The following AS3MT variants were observed in gnomAD, a reference collection of about 807,000 sequenced individuals.
AS3MT encodes the protein arsenite methyltransferase.
Under a neutral mutation model 45.3 loss-of-function variants are expected in AS3MT, and 47 were observed. The observed-to-expected ratio is 1.04, with a 90% CI of 0.82 to 1.32. AS3MT has a LOEUF of 1.32. AS3MT is among the 40% of genes most tolerant of loss of function. The pLI is 0.00. For missense variants in AS3MT, 396 were observed against 451.1 expected (o/e 0.88, Z 1.11); for synonymous variants, 141 against 152.8 (o/e 0.92, Z 0.57).
intron 9 of AS3MT, among the ~76,000 whole-genome samples, chr10:102,889,680 C>G (rs973366274): frequency 3.4e-5 from 5 of 148,672 alleles, no homozygotes; most frequent in Non-Finnish European, 5.9e-5. Flanking sequence ...TCCCTCCACC[C>G]CCCCCGCCCC....
At chr10:102,893,013 T>C (rs904287726) in intron 10 of AS3MT, among the ~76,000 whole-genome samples, 2 of 143,556 alleles carry the variant, frequency 1.4e-5, no homozygotes, top group African/African-American at 5.1e-5. Context: ...AATAAATAAA[T>C]AAATAAATAA....
chr10:102,896,975 T>C (rs977010280), intron 10 of AS3MT, among the ~76,000 whole-genome samples: 1 of 152,220 alleles, frequency 6.6e-6, no homozygotes, highest in Non-Finnish European at 1.5e-5. Context: ...GTCACTGATA[T>C]TTTGAAACTC....
At chr10:102,888,726 T>G (rs1293765265) in intron 9 of AS3MT, among the ~76,000 whole-genome samples, 1 of 125,000 alleles carries the variant, frequency 8.0e-6, no homozygotes, top group Non-Finnish European at 1.8e-5. Flanking sequence ...TGGCCCTGTC[T>G]TTTCTTTATG....
chr10:102,894,323 T>C (rs1482650448), intron 10 of AS3MT, among the ~76,000 whole-genome samples: 3 of 151,922 alleles, frequency 2.0e-5, no homozygotes, highest in African/African-American at 7.2e-5. Context: ...CTTGGGAGGC[T>C]GAGGCAGGAG....
At chr10:102,869,874 A>C in intron 2 of AS3MT, 29 bp downstream of exon 2, 1 of 1,613,010 alleles carries the variant, frequency 6.2e-7, no homozygotes, top group South Asian at 1.1e-5. Flanking sequence ...GGAATGGCCC[A>C]AGTGGAGCCT....
At chr10:102,885,154 C>T (rs549848603) in intron 9 of AS3MT, among the ~76,000 whole-genome samples, 19 of 152,168 alleles carry the variant, frequency 1.2e-4, no homozygotes, top group African/African-American at 4.1e-4. Context: ...CTCTACCTGG[C>T]GTCTGGTAAC....
intron 10 of AS3MT, among the ~76,000 whole-genome samples, chr10:102,896,808 C>CAAAAA (rs71019628): frequency 8.3e-6 from 1 of 120,744 alleles, no homozygotes; most frequent in Non-Finnish European, 1.8e-5. Flanking sequence ...GACTCCATCT[C>CAAAAA]AAAAAAAAAA....
intron 9 of AS3MT, among the ~76,000 whole-genome samples, chr10:102,889,894 TCTCGAACTCCTGACCTCATGATCCAC>T (rs1845040102): frequency 6.6e-6 from 1 of 152,070 alleles, no homozygotes; most frequent in Non-Finnish European, 1.5e-5. Flanking sequence ...GCCAGGCTGG[TCTCGAACTCCTGACCTCATGATCCAC>T]CTGCCTCAGC....
At chr10:102,890,460 G>A in intron 9 of AS3MT, 84 bp from the exon 10 acceptor site, 2 of 1,150,794 alleles carry the variant, frequency 1.7e-6, no homozygotes, top group Non-Finnish European at 2.5e-6. Context: ...TGAGGATGTG[G>A]AGAAAACGAT....
intron 10 of AS3MT, among the ~76,000 whole-genome samples, chr10:102,893,238 T>C (rs1845104095): frequency 1.3e-5 from 2 of 151,988 alleles, no homozygotes; most frequent in Admixed American, 6.6e-5. Context: ...TGGCTTTTTG[T>C]TTGTTGGCTT....
Position 102,878,476 on chromosome 10 carries a change from T to C in AS3MT, c.708T>C (p.Ile236=), listed in dbSNP as rs1401989657. The C allele has an allele frequency of 6.2e-7, 1 of 1,614,122 alleles. No homozygotes were observed. The highest frequency in any genetic ancestry group is 8.5e-7 in the Non-Finnish European group (1 of 1,180,004). ...CPPRLVTANL[I]TIQNKELERV... Reference sequence around the variant, plus strand: ...CACGTTTGGTCACTGCCAATCTCATTACAATTCAAAACAAGGAACTGGAAA... The same window carrying C: ...CACGTTTGGTCACTGCCAATCTCATCACAATTCAAAACAAGGAACTGGAAA... Residue 236 remains isoleucine, a synonymous_variant, in exon 8 of 11, where the codon ATT becomes ATC. Transcript: ENST00000369880.
intron 9 of AS3MT, among the ~76,000 whole-genome samples, chr10:102,879,268 C>T (rs1844836135): frequency 6.6e-6 from 1 of 152,154 alleles, no homozygotes; most frequent in Non-Finnish European, 1.5e-5. Flanking sequence ...AAGCGATCCT[C>T]CCACCTCAGG....
Position 102,901,269 on chromosome 10 carries a change from C to T in AS3MT, c.*569C>T, listed in dbSNP as rs1408260834. ...AGTGCAGTGGCCCCATCTCAACTCA[C>T]TGCAAGCTCCACCTCCTGGGTTCAC... On this transcript the variant is annotated 3_prime_UTR_variant, in exon 11 of 11. Transcript: ENST00000369880. 1 of 151,894 alleles carries T rather than the reference C, an allele frequency of 6.6e-6. No individual in the cohort carries two copies. Among genetic ancestry groups the T allele is most frequent in the East Asian group, 1.9e-4 (1 of 5,172 alleles). 9.4% of individuals were successfully genotyped at this position (151,894 alleles called of 1,614,324 possible).
rs973085149 is a variant in AS3MT, at chr10:102,881,338, T to A, written c.885+2347T>A. On this transcript the variant is annotated intron_variant, in intron 9 of 10. Transcript: ENST00000369880. This position sits in a 1 kb window ranked among gnomAD's most constrained non-coding sequence, Gnocchi z 4.2. ...AAAAGTTAAGGTGAATGATCCAAGCTGACTTGATTACTGAATCCAGAACAA... is the reference window on the plus strand; with the variant it reads ...AAAAGTTAAGGTGAATGATCCAAGCAGACTTGATTACTGAATCCAGAACAA... 4.6e-5 allele frequency among the ~76,000 whole-genome samples: 7 copies of A among 152,248 alleles called. No homozygotes were observed. Among genetic ancestry groups the A allele is most frequent in the Admixed American group, 1.3e-4 (2 of 15,274 alleles).
At chr10:102,877,573 A>AAAAG (rs1455349593) in intron 7 of AS3MT, among the ~76,000 whole-genome samples, 1 of 150,502 alleles carries the variant, frequency 6.6e-6, no homozygotes, top group Non-Finnish European at 1.5e-5. Flanking sequence ...AAAAAAAAAA[A>AAAAG]AAAAGAAAAA....
At chr10:102,877,862 C>G (rs575018894) in intron 7 of AS3MT, among the ~76,000 whole-genome samples, 1 of 149,058 alleles carries the variant, frequency 6.7e-6, no homozygotes, top group Non-Finnish European at 1.5e-5. Flanking sequence ...AAGTGATTCT[C>G]CTGCCTCAGC....
chr10:102,874,662 G>T lies in AS3MT; in HGVS notation c.528+1G>T, dbSNP rs528680133. On this transcript the variant is annotated splice_donor_variant, in intron 6 of 10. Coordinates refer to ENST00000369880, the MANE Select transcript of AS3MT (RefSeq NM_020682.4). LOFTEE classifies it high-confidence loss of function. ...TCAGGAGGCATATCGGGTGCTGAAG[G>T]TGAGGAGGAGAGTGAGATAAATTAT... 6.2e-7 allele frequency: 1 copy of T among 1,603,064 alleles called. No homozygotes were observed. The highest frequency in any genetic ancestry group is 2.2e-5 in the East Asian group (1 of 44,562).
chr10:102,893,485 A>C (rs1423848503), intron 10 of AS3MT, among the ~76,000 whole-genome samples: 1 of 126,672 alleles, frequency 7.9e-6, no homozygotes, highest in Non-Finnish European at 1.7e-5. Flanking sequence ...TGCCTGGCTA[A>C]TTTTTTTTTC....
chr10:102,895,880 G>T (rs532063651), intron 10 of AS3MT, among the ~76,000 whole-genome samples: 2 of 151,990 alleles, frequency 1.3e-5, no homozygotes, highest in South Asian at 4.1e-4. Flanking sequence ...GGTTCAAGCG[G>T]TTCTCCTGCC....
Sources: gnomAD v4.1 joint callset for allele counts (sites outside exome capture counted in the v4.1 genomes callset) on GRCh38, gnomAD v4.1.1 for gene constraint, Gnocchi (gnomAD v3.1) non-coding constraint, MANE v1.5 for transcripts, NCBI Gene and HGNC (gene_info 2026-07-23, HGNC 2026-07-21) for gene names.